Variants in ERBB4 observed in about 807,000 individuals in gnomAD.
The protein encoded by ERBB4 is erb-b2 receptor tyrosine kinase 4.
Under a neutral mutation model 158.0 loss-of-function variants are expected in ERBB4, and 42 were observed. The ratio of observed to expected loss-of-function variants is 0.27; its 90% CI spans 0.21 to 0.34. The LOEUF (loss-of-function observed/expected upper bound fraction) is 0.34, where lower values mean the gene tolerates loss of function less well. Among genes scored for constraint, ERBB4 ranks in the 10% least tolerant of loss-of-function variants. The pLI is 1.00. For synonymous variants in ERBB4, 583 were observed against 558.7 expected, an observed-to-expected ratio of 1.04 and a Z score of -0.61; for missense variants, 1,333 against 1,624.1, an observed-to-expected ratio of 0.82 and a Z score of 3.08.
chr2:211,959,265 G>A (rs770929005), intron 2 of ERBB4, among the ~76,000 whole-genome samples: 3 of 151,974 alleles, frequency 2.0e-5, no homozygotes, highest in Admixed American at 6.6e-5. Context: ...TTAATCTTAC[G>A]GTGGTTACTT....
intron 1 of ERBB4, among the ~76,000 whole-genome samples, chr2:212,381,350 A>C (rs979660726): frequency 6.6e-6 from 1 of 151,262 alleles, no homozygotes; most frequent in African/African-American, 2.4e-5. Context: ...GGAAAGGTGC[A>C]CTGAGGTTAA....
intron 14 of ERBB4, 89 bp downstream of exon 14, chr2:211,673,075 T>C (rs932516793): frequency 4.9e-6 from 5 of 1,029,218 alleles, no homozygotes; most frequent in Admixed American, 3.4e-5. Flanking sequence ...TAAGTAGCTA[T>C]TGAATGGATG....
intron 3 of ERBB4, among the ~76,000 whole-genome samples, chr2:211,864,601 A>G (rs1176141689): frequency 6.6e-6 from 1 of 152,198 alleles, no homozygotes; most frequent in African/African-American, 2.4e-5. Context: ...TTTACGTACC[A>G]AGAGACTTAG....
intron 1 of ERBB4, among the ~76,000 whole-genome samples, chr2:212,159,051 T>C (rs887548469): frequency 1.3e-5 from 2 of 152,048 alleles, no homozygotes; most frequent in South Asian, 4.2e-4. Context: ...TGTTTTTGAG[T>C]AGGCAGGTAA....
chr2:212,296,671 C>G (rs2106195488), intron 1 of ERBB4, among the ~76,000 whole-genome samples: 1 of 151,986 alleles, frequency 6.6e-6, no homozygotes, highest in Admixed American at 6.6e-5. Flanking sequence ...ATCTTGTTTG[C>G]CAACTGGCTT....
rs189908377 is a variant in ERBB4 at position 212,487,585 on chromosome 2, T to C, written c.82+50864A>G. ...TTTTTTTTTTCAAAAATTCAGCAAA[T>C]ATGTGTTGAGAACCTATATGTGGCT... is the stretch of plus-strand genomic sequence containing the variant. On this transcript the variant is annotated intron_variant, in intron 1 of 27. Transcript: ENST00000342788. 3.9e-3 allele frequency among the ~76,000 whole-genome samples: 587 copies of C among 150,760 alleles called. 6 individuals carry two copies. Among genetic ancestry groups the C allele is most frequent in the African/African-American group, 0.014 (559 of 41,116 alleles).
chr2:211,647,397 G>A (rs2070814042), intron 16 of ERBB4, among the ~76,000 whole-genome samples: 1 of 151,314 alleles, frequency 6.6e-6, no homozygotes, highest in Admixed American at 6.6e-5. Flanking sequence ...ATCAACACTT[G>A]GAGAAACTTC....
At chr2:211,726,552 C>T (rs2074276160) in intron 5 of ERBB4, among the ~76,000 whole-genome samples, 1 of 152,270 alleles carries the variant, frequency 6.6e-6, no homozygotes, top group South Asian at 2.1e-4. Context: ...GTCTCCTATC[C>T]TCTTATCATC....
chr2:212,448,361 C>T (rs2062930), intron 1 of ERBB4, among the ~76,000 whole-genome samples: 2 of 151,864 alleles, frequency 1.3e-5, no homozygotes, highest in African/African-American at 4.8e-5. Flanking sequence ...ACTGTTTATA[C>T]ACTGTTTGAA....
chr2:211,603,359 G>A (rs1016836796), intron 19 of ERBB4, among the ~76,000 whole-genome samples: 1 of 152,010 alleles, frequency 6.6e-6, no homozygotes, highest in African/African-American at 2.4e-5. Context: ...CATACACTTC[G>A]GAAGAATTAG....
intron 1 of ERBB4, among the ~76,000 whole-genome samples, chr2:212,437,885 A>G (rs2105965062): frequency 1.3e-5 from 2 of 152,198 alleles, no homozygotes; most frequent in Admixed American, 1.3e-4. Flanking sequence ...CCTTAAAAAA[A>G]TCAACTCCTT....
intron 4 of ERBB4, among the ~76,000 whole-genome samples, chr2:211,769,359 A>T (rs55769536): frequency 0.22 from 32,780 of 152,070 alleles, 4,113 homozygotes; most frequent in Non-Finnish European, 0.29. Flanking sequence ...TCCATATTCA[A>T]ACAGGGAAAC....
At chr2:212,415,010 T>C (rs2091612128) in intron 1 of ERBB4, among the ~76,000 whole-genome samples, 1 of 152,228 alleles carries the variant, frequency 6.6e-6, no homozygotes, top group Admixed American at 6.5e-5. Flanking sequence ...AGTAACATGC[T>C]TTTTTGTTTG....
At chr2:211,547,829 A>G (rs1204463678) in intron 20 of ERBB4, among the ~76,000 whole-genome samples, 7 of 152,082 alleles carry the variant, frequency 4.6e-5, no homozygotes, top group African/African-American at 7.2e-5. Context: ...TAAGTTCTTT[A>G]CTTTCTGGAT....
At chr2:212,226,087 C>A (rs1045665183) in intron 1 of ERBB4, among the ~76,000 whole-genome samples, 2 of 152,134 alleles carry the variant, frequency 1.3e-5, no homozygotes, top group African/African-American at 4.8e-5. Context: ...GGCAAAGATG[C>A]TCTTCTGTTG....
chr2:212,381,619 T>G (rs979969703), intron 1 of ERBB4, among the ~76,000 whole-genome samples: 2 of 151,364 alleles, frequency 1.3e-5, no homozygotes, highest in Non-Finnish European at 3.0e-5. Flanking sequence ...TAATTAGTCA[T>G]GTCTCCAATT....
At position 212,135,125 on chromosome 2, in the gene ERBB4, A is replaced by T. The variant is rs181621624; in HGVS notation, c.83-10222T>A. Among the ~76,000 whole-genome samples the T allele has an allele frequency of 6.6e-5, 10 of 152,258 alleles. No individual in the cohort carries two copies. The East Asian group carries it at 1.9e-3, about 29-fold the overall frequency. ...GATGAAAGATAAATCAATATATTAT[A>T]TATACTCCTATCTGCTGATCTATCT... On this transcript the variant is annotated intron_variant, in intron 1 of 27. Coordinates refer to ENST00000342788, the MANE Select transcript of ERBB4 (RefSeq NM_005235.3).
At chr2:212,414,598 G>A (rs2091597776) in intron 1 of ERBB4, among the ~76,000 whole-genome samples, 1 of 152,092 alleles carries the variant, frequency 6.6e-6, no homozygotes, top group Non-Finnish European at 1.5e-5. Flanking sequence ...TTGATAAATT[G>A]GACCCTTAAC....
At chr2:211,412,144 G>C (rs2125380419) in intron 25 of ERBB4, among the ~76,000 whole-genome samples, 1 of 151,764 alleles carries the variant, frequency 6.6e-6, no homozygotes, top group Non-Finnish European at 1.5e-5. Context: ...TGAGGAGCAA[G>C]AGATTTCAAA....
Sources: allele counts gnomAD v4.1 joint callset (sites outside exome capture counted in the v4.1 genomes callset), GRCh38; gene constraint gnomAD v4.1.1; transcripts MANE v1.5; gene names NCBI Gene and HGNC (gene_info 2026-07-23, HGNC 2026-07-21).